Variants in CSMD1 observed in about 807,000 individuals in gnomAD.
CSMD1 encodes the protein CUB and sushi domain-containing protein 1.
Under a neutral mutation model 417.5 loss-of-function variants are expected in CSMD1, and 213 were observed. The observed-to-expected ratio is 0.51, with a 90% CI of 0.46 to 0.57. The LOEUF (loss-of-function observed/expected upper bound fraction) is 0.57. Among genes scored for constraint, CSMD1 ranks in the 20% least tolerant of loss-of-function variants. CSMD1 has a pLI of 0.00. For missense variants in CSMD1, 6,923 were observed against 4,529.7 expected (o/e 1.53, Z -15.17); for synonymous variants, 2,862 against 1,736.8 (o/e 1.65, Z -16.11).
intron 1 of CSMD1, among the ~76,000 whole-genome samples, chr8:4,730,958 G>C (rs755328307): frequency 1.3e-5 from 2 of 151,994 alleles, no homozygotes; most frequent in Admixed American, 6.6e-5. Flanking sequence ...CTGCCTATTG[G>C]GGTGATTTTA....
chr8:3,391,981 T>A (rs1191003228), intron 17 of CSMD1, among the ~76,000 whole-genome samples: 1 of 151,924 alleles, frequency 6.6e-6, no homozygotes, highest in East Asian at 1.9e-4. Context: ...CTGGAAACCA[T>A]CATTCTCAGC....
chr8:4,514,648 T>C (rs1803018654), intron 2 of CSMD1, among the ~76,000 whole-genome samples: 1 of 152,170 alleles, frequency 6.6e-6, no homozygotes, highest in Admixed American at 6.5e-5. Context: ...TCAGCCCTGT[T>C]AAATAAAAAA....
At chr8:3,454,849 A>G (rs559964554) in intron 12 of CSMD1, among the ~76,000 whole-genome samples, 2 of 152,210 alleles carry the variant, frequency 1.3e-5, no homozygotes, top group South Asian at 4.1e-4. Context: ...CTGAATTTGA[A>G]TGTTGGCCTG....
chr8:4,945,800 G>A (rs13263146), intron 1 of CSMD1, among the ~76,000 whole-genome samples: 1 of 151,900 alleles, frequency 6.6e-6, no homozygotes, highest in African/African-American at 2.4e-5. Context: ...ATGAGGTTAA[G>A]TAGGCAGCAG....
intron 8 of CSMD1, among the ~76,000 whole-genome samples, chr8:3,610,265 C>T (rs1291050307): frequency 1.3e-5 from 2 of 152,120 alleles, no homozygotes. Flanking sequence ...GTGGGCTGGG[C>T]ACGGTATCAG....
intron 11 of CSMD1, among the ~76,000 whole-genome samples, chr8:3,490,183 C>A (rs1411154503): frequency 6.6e-6 from 1 of 152,144 alleles, no homozygotes; most frequent in Non-Finnish European, 1.5e-5. Context: ...TCCTCTTCTG[C>A]AGCTGATTAA....
chr8:3,169,253 A>ATTCT (rs1820433143), intron 37 of CSMD1, among the ~76,000 whole-genome samples: 1 of 152,238 alleles, frequency 6.6e-6, no homozygotes, highest in South Asian at 2.1e-4. Flanking sequence ...AAACCAGAGG[A>ATTCT]GACAAGTTTC....
intron 2 of CSMD1, among the ~76,000 whole-genome samples, chr8:4,449,301 A>G (rs1290886202): frequency 1.3e-5 from 2 of 152,212 alleles, no homozygotes; most frequent in East Asian, 3.9e-4. Context: ...CCAGGAGCAG[A>G]TGAAAAGACT....
intron 1 of CSMD1, among the ~76,000 whole-genome samples, chr8:4,986,477 A>T (rs551320668): frequency 6.6e-6 from 1 of 152,226 alleles, no homozygotes; most frequent in Admixed American, 6.5e-5. Flanking sequence ...TGCAATTTAT[A>T]ATTAATTTCA....
chr8:4,895,803 G>T (rs1477228184), intron 1 of CSMD1, among the ~76,000 whole-genome samples: 4 of 151,808 alleles, frequency 2.6e-5, no homozygotes, highest in Non-Finnish European at 5.9e-5. Flanking sequence ...AAGCTGTACA[G>T]CTGCTCCTAA....
chr8:4,088,926 C>T lies in CSMD1; in HGVS notation c.416-56827G>A, dbSNP rs151335736. 7.3e-3 allele frequency among the ~76,000 whole-genome samples: 1,116 copies of T among 152,306 alleles called. 6 individuals are homozygous for T. Among genetic ancestry groups the T allele is most frequent in the Non-Finnish European group, 0.013 (904 of 68,020 alleles). ...TTTTTATATTCAGCGAAAAAGCACT[C>T]CCCTGCCAAGGTCTTTCCTGAATTC... On this transcript the variant is annotated intron_variant, in intron 3 of 69. Transcript: ENST00000635120.
In CSMD1 at chr8:3,552,496, C is replaced by G. The variant is rs138935756; in HGVS notation, c.1344+22449G>C. 3.1e-4 allele frequency among the ~76,000 whole-genome samples: 47 copies of G among 152,270 alleles called. 1 individual carries two copies. In the East Asian group the frequency reaches 8.5e-3, roughly 28 times the overall value. ...ACCTGTGATAACTGCCTTTCTATCT[C>G]AGAAAACATTGCTAAAGAGACTCAA... is the stretch of plus-strand genomic sequence containing the variant. On this transcript the variant is annotated intron_variant, in intron 10 of 69. Coordinates refer to ENST00000635120, the MANE Select transcript of CSMD1 (RefSeq NM_033225.6).
chr8:4,854,061 G>C (rs1401534805), intron 1 of CSMD1, among the ~76,000 whole-genome samples: 1 of 152,048 alleles, frequency 6.6e-6, no homozygotes, highest in East Asian at 1.9e-4. Flanking sequence ...GTCTCACAGG[G>C]GGAACGAACT....
intron 2 of CSMD1, among the ~76,000 whole-genome samples, chr8:4,539,149 T>C (rs1405667502): frequency 6.6e-6 from 1 of 152,224 alleles, no homozygotes; most frequent in African/African-American, 2.4e-5. Context: ...AAATGGATTT[T>C]TTTGTGGGTG....
intron 3 of CSMD1, among the ~76,000 whole-genome samples, chr8:4,368,257 CT>C (rs915579171): frequency 6.6e-6 from 1 of 151,984 alleles, no homozygotes; most frequent in African/African-American, 2.4e-5. Context: ...GATCTTGTGG[CT>C]TTTTTGTTCT....
chr8:3,820,894 G>A (rs537851875), intron 5 of CSMD1, among the ~76,000 whole-genome samples: 5 of 151,838 alleles, frequency 3.3e-5, no homozygotes, highest in African/African-American at 7.3e-5. Context: ...ACCTCCTTAA[G>A]GACCTGCCTG....
intron 4 of CSMD1, among the ~76,000 whole-genome samples, chr8:4,003,999 T>C (rs1418371239): frequency 6.6e-6 from 1 of 152,114 alleles, no homozygotes; most frequent in African/African-American, 2.4e-5. Flanking sequence ...AAATATATGA[T>C]CAACTAAATA....
At chr8:4,134,293 A>G (rs1280637012) in intron 3 of CSMD1, among the ~76,000 whole-genome samples, 1 of 152,192 alleles carries the variant, frequency 6.6e-6, no homozygotes, top group Non-Finnish European at 1.5e-5. Context: ...TTGAGGATAA[A>G]GCCTTTAGGT....
chr8:4,374,989 G>A (rs940439254), intron 3 of CSMD1, among the ~76,000 whole-genome samples: 6 of 147,238 alleles, frequency 4.1e-5, no homozygotes, highest in African/African-American at 9.9e-5. Flanking sequence ...GTGGGGGTAC[G>A]GGCAAGGAGC....
Sources: allele counts gnomAD v4.1 joint callset (sites outside exome capture counted in the v4.1 genomes callset), GRCh38; gene constraint gnomAD v4.1.1; transcripts MANE v1.5; gene names NCBI Gene and HGNC (gene_info 2026-07-23, HGNC 2026-07-21).